RPSA2: variants seen among roughly 807,000 people sequenced by gnomAD.
RPSA2 encodes ribosomal protein SA 2.
the RPSA2 span, among the ~76,000 whole-genome samples, chr19:23,789,019 C>CTTTTTTTTTTTTTTTTTTTTT: frequency 5.3e-4 from 60 of 112,612 alleles, 2 homozygotes; most frequent in African/African-American, 6.9e-4. Flanking sequence ...TTTTTTCTTT[C>CTTTTTTTTTTTTTTTTTTTTT]TTTCTTTTTT....
At chr19:23,851,674 T>A in the RPSA2 span, among the ~76,000 whole-genome samples, 1 of 152,180 alleles carries the variant, frequency 6.6e-6, no homozygotes, top group South Asian at 2.1e-4. Flanking sequence ...AGCAGTTGTA[T>A]AAGGGGTAGA....
the RPSA2 span, among the ~76,000 whole-genome samples, chr19:23,786,930 C>T: frequency 3.3e-5 from 5 of 151,874 alleles, no homozygotes. Flanking sequence ...ACCCTGCCTA[C>T]ATGGAAAGCT....
At chr19:23,856,620 G>C in the RPSA2 span, among the ~76,000 whole-genome samples, 2 of 152,174 alleles carry the variant, frequency 1.3e-5, no homozygotes, top group Admixed American at 6.5e-5. Context: ...TGGCATGCCA[G>C]ATATTGGGGG....
At chr19:23,838,088 A>G in the RPSA2 span, among the ~76,000 whole-genome samples, 1 of 152,180 alleles carries the variant, frequency 6.6e-6, no homozygotes, top group Non-Finnish European at 1.5e-5. Flanking sequence ...TTTGCCATAG[A>G]TAGCTTTTAT....
chr19:23,780,907 T>TTG, the RPSA2 span, among the ~76,000 whole-genome samples: 2 of 152,246 alleles, frequency 1.3e-5, no homozygotes, highest in African/African-American at 4.8e-5. Context: ...TTTGAGGTTC[T>TTG]GAACCTCACT....
chr19:23,834,712 A>G, the RPSA2 span, among the ~76,000 whole-genome samples: 2 of 152,116 alleles, frequency 1.3e-5, no homozygotes, highest in East Asian at 3.8e-4. Flanking sequence ...CATGTTAAAT[A>G]CTATCATGAA....
the RPSA2 span, among the ~76,000 whole-genome samples, chr19:23,788,601 A>G: frequency 2.6e-5 from 4 of 152,062 alleles, no homozygotes; most frequent in South Asian, 2.1e-4. Flanking sequence ...CTTTTCATTC[A>G]TCACCTAGGT....
the RPSA2 span, among the ~76,000 whole-genome samples, chr19:23,852,785 T>G: frequency 6.6e-6 from 1 of 152,220 alleles, no homozygotes; most frequent in East Asian, 1.9e-4. Flanking sequence ...TTGCTCCCAA[T>G]AGTTACCCAA....
the RPSA2 span, among the ~76,000 whole-genome samples, chr19:23,788,600 C>T: frequency 1.3e-5 from 2 of 152,124 alleles, no homozygotes; most frequent in Non-Finnish European, 2.9e-5. Context: ...CCTTTTCATT[C>T]ATCACCTAGG....
At chr19:23,804,452 A>G in the RPSA2 span, among the ~76,000 whole-genome samples, 1 of 33,152 alleles carries the variant, frequency 3.0e-5, no homozygotes, top group East Asian at 1.1e-3. Context: ...AACCGCCACC[A>G]CACCCGGCTA....
chr19:23,859,200 G>A, the RPSA2 span, among the ~76,000 whole-genome samples: 4 of 152,062 alleles, frequency 2.6e-5, no homozygotes, highest in Admixed American at 2.6e-4. Flanking sequence ...CATTTTAAAG[G>A]CCACTGATGC....
chr19:23,832,934 C>T, the RPSA2 span: 2 of 1,517,188 alleles, frequency 1.3e-6, no homozygotes, highest in East Asian at 5.2e-5. Context: ...TCAAGCTTTA[C>T]TAAACATAAG....
chr19:23,839,749 G>T, the RPSA2 span, among the ~76,000 whole-genome samples: 1 of 152,172 alleles, frequency 6.6e-6, no homozygotes, highest in Admixed American at 6.5e-5. Context: ...AGGCAGGAAT[G>T]GGCTCCTTGG....
the RPSA2 span, chr19:23,832,897 G>A: frequency 5.1e-6 from 8 of 1,561,854 alleles, no homozygotes; most frequent in South Asian, 2.2e-5. Flanking sequence ...CAAATGTGAG[G>A]AACGTGGCAA....
chr19:23,825,145 A>AT, the RPSA2 span, among the ~76,000 whole-genome samples: 4 of 151,950 alleles, frequency 2.6e-5, no homozygotes, highest in South Asian at 4.2e-4. Flanking sequence ...ACGCCCAGCT[A>AT]TTTTTTTATA....
At chr19:23,781,864 G>C in the RPSA2 span, among the ~76,000 whole-genome samples, 1 of 152,052 alleles carries the variant, frequency 6.6e-6, no homozygotes, top group Admixed American at 6.6e-5. Context: ...TTTTTCCTGG[G>C]CCCAGTTCAC....
chr19:23,758,621 C>T, the RPSA2 span: 4 of 1,438,668 alleles, frequency 2.8e-6, no homozygotes, highest in Non-Finnish European at 3.9e-6. Context: ...TCTTATGGTC[C>T]AAGTGGACTG....
At chr19:23,768,738 C>G in the RPSA2 span, among the ~76,000 whole-genome samples, 1 of 148,852 alleles carries the variant, frequency 6.7e-6, no homozygotes, top group African/African-American at 2.5e-5. Context: ...CAGGTACACA[C>G]CACCAGGCCC....
At chr19:23,867,723 G>A in the RPSA2 span, among the ~76,000 whole-genome samples, 61 of 151,874 alleles carry the variant, frequency 4.0e-4, 2 homozygotes, top group East Asian at 0.011. Flanking sequence ...CCAGCTACTC[G>A]GAAGGCTGAG....
Sources: gnomAD v4.1 joint callset for allele counts (sites outside exome capture counted in the v4.1 genomes callset) on GRCh38, gnomAD v4.1.1 for gene constraint, MANE v1.5 for transcripts, NCBI Gene and HGNC (gene_info 2026-07-23, HGNC 2026-07-21) for gene names.